TRAPPC9: variants seen among roughly 807,000 people sequenced by gnomAD.
TRAPPC9 encodes the protein trafficking protein particle complex subunit 9.
TRAPPC9 carries 83 observed loss-of-function variants against 124.0 expected under a neutral mutation model. The observed-to-expected ratio is 0.67, with a 90% CI of 0.56 to 0.80. TRAPPC9 has a LOEUF of 0.80. TRAPPC9 is among the 30% of genes least tolerant of loss of function. TRAPPC9 has a pLI of 0.00. For synonymous variants in TRAPPC9, 638 were observed against 617.5 expected, an observed-to-expected ratio of 1.03 and a Z score of -0.49; for missense variants, 1,302 against 1,508.3, an observed-to-expected ratio of 0.86 and a Z score of 2.27.
In TRAPPC9 at chr8:139,905,214, G is replaced by C. The variant is rs187319063; in HGVS notation, c.2964+4933C>G. On this transcript the variant is annotated intron_variant, in intron 20 of 22. Transcript: ENST00000438773. The stretch of plus-strand genomic sequence containing the variant: ...CTGCACAGACATTACAAACAAGCAT[G>C]CTCTTATCAAGCAGGAGAGGTCTGG... Among the ~76,000 whole-genome samples the C allele has an allele frequency of 1.4e-3, 216 of 152,070 alleles. 1 individual carries two copies. Among genetic ancestry groups the C allele is most frequent in the African/African-American group, 4.9e-3 (205 of 41,474 alleles).
At chr8:139,941,870 C>G (rs1270492706) in intron 19 of TRAPPC9, among the ~76,000 whole-genome samples, 1 of 152,188 alleles carries the variant, frequency 6.6e-6, no homozygotes, top group Non-Finnish European at 1.5e-5. Flanking sequence ...CAAACTTCTT[C>G]CTAAGGCAAA....
At chr8:140,233,257 G>A (rs545433433) in intron 16 of TRAPPC9, among the ~76,000 whole-genome samples, 34 of 151,984 alleles carry the variant, frequency 2.2e-4, no homozygotes, top group Admixed American at 8.5e-4. Context: ...CAGGCTGGAG[G>A]GCAGTGGTGC....
rs71320347 is a variant in TRAPPC9 at position 140,231,481 on chromosome 8, C to CTTTTTTTTTTTT, written c.2432-9910_2432-9899dup. 1.2e-4 allele frequency among the ~76,000 whole-genome samples: 7 copies of CTTTTTTTTTTTT among 56,990 alleles called. 1 individual carries two copies. The highest frequency in any genetic ancestry group is 2.9e-4 in the Admixed American group (1 of 3,396). 37.4% of individuals were successfully genotyped at this position (56,990 alleles called of 152,430 possible). A position where few individuals can be genotyped will look rare whatever the true frequency, so the allele number is the denominator to read the frequency against. ...AACTGCTAGTAAATCACTGCCTTTT[C>CTTTTTTTTTTTT]TTTTTTTTTTTTTTTTTTTTTTTTT... On this transcript the variant is annotated intron_variant, in intron 16 of 22. Transcript: ENST00000438773.
At position 140,046,593 on chromosome 8, in the gene TRAPPC9, T is replaced by C. The variant is rs11985753; in HGVS notation, c.2557-22514A>G. 9.8e-3 allele frequency among the ~76,000 whole-genome samples: 1,492 copies of C among 152,346 alleles called. 24 individuals carry two copies. Among genetic ancestry groups the C allele is most frequent in the African/African-American group, 0.034 (1,408 of 41,578 alleles). ...CCAGAAAATGGTTCCCAGAGCATTC[T>C]TGGATGCCTATCTTACAGGCTTTGT... On this transcript the variant is annotated intron_variant, in intron 17 of 22. Transcript: ENST00000438773.
intron 7 of TRAPPC9, among the ~76,000 whole-genome samples, chr8:140,376,081 G>T (rs969507221): frequency 9.2e-5 from 14 of 152,194 alleles, no homozygotes; most frequent in Non-Finnish European, 2.9e-5. Context: ...CGGAGTAGGG[G>T]TATGAGGCAT....
In TRAPPC9 at chr8:140,450,777, T is replaced by C; in HGVS notation, c.584+13A>G. On this transcript the variant is annotated intron_variant, in intron 2 of 22. Coordinates refer to ENST00000438773, the MANE Select transcript of TRAPPC9 (RefSeq NM_001160372.4). ...AGGGAAGCCAAGGGGCCTGGGTCTC[T>C]AGGTAAGCTTACCTGCTGTCTGTGT... 8 of 1,593,594 alleles carry C rather than the reference T, an allele frequency of 5.0e-6. No homozygotes were observed. Among genetic ancestry groups the C allele is most frequent in the South Asian group, 4.5e-5 (4 of 88,524 alleles).
At chr8:139,785,537 AACACACACACACACACACACAC>A (rs57202244) in intron 21 of TRAPPC9, among the ~76,000 whole-genome samples, 14 of 138,302 alleles carry the variant, frequency 1.0e-4, no homozygotes, top group African/African-American at 3.4e-4. Context: ...ATCTCTACTA[AACACACACACACACACACACAC>A]ACACACACAC....
chr8:139,988,468 C>T (rs1837401480), intron 19 of TRAPPC9, among the ~76,000 whole-genome samples: 1 of 152,168 alleles, frequency 6.6e-6, no homozygotes, highest in South Asian at 2.1e-4. Context: ...GCTGCTGGGT[C>T]CTCAAATGTG....
At chr8:140,122,002 T>C (rs2060995683) in intron 17 of TRAPPC9, among the ~76,000 whole-genome samples, 1 of 150,668 alleles carries the variant, frequency 6.6e-6, no homozygotes, top group East Asian at 1.9e-4. Flanking sequence ...GTTGCTGGAG[T>C]CCATCTCTTT....
At chr8:140,188,538 C>T (rs2062401851) in intron 17 of TRAPPC9, among the ~76,000 whole-genome samples, 2 of 152,186 alleles carry the variant, frequency 1.3e-5, no homozygotes, top group South Asian at 2.1e-4. Flanking sequence ...TCTCTGCTCC[C>T]TGCAAAACTC....
At chr8:140,346,765 C>T (rs979068939) in intron 9 of TRAPPC9, among the ~76,000 whole-genome samples, 28 of 152,200 alleles carry the variant, frequency 1.8e-4, no homozygotes, top group African/African-American at 6.8e-4. Flanking sequence ...GTTAAAATTT[C>T]AATCAAATAT....
At chr8:140,103,829 C>A (rs1162807025) in intron 17 of TRAPPC9, among the ~76,000 whole-genome samples, 3 of 152,148 alleles carry the variant, frequency 2.0e-5, no homozygotes, top group African/African-American at 7.2e-5. Flanking sequence ...CCAAGAGTTA[C>A]CCAGCTAAGA....
At chr8:140,345,574 T>C (rs923887268) in intron 9 of TRAPPC9, among the ~76,000 whole-genome samples, 1 of 152,196 alleles carries the variant, frequency 6.6e-6, no homozygotes, top group Admixed American at 6.5e-5. Flanking sequence ...GTGGGACAGA[T>C]ATGTATTGGC....
intron 7 of TRAPPC9, among the ~76,000 whole-genome samples, chr8:140,372,374 A>G (rs2068307496): frequency 6.6e-6 from 1 of 151,914 alleles, no homozygotes; most frequent in Non-Finnish European, 1.5e-5. Context: ...CCCTCCCTCC[A>G]TCCCCTCTCC....
At chr8:140,270,982 T>C (rs1294498430) in intron 15 of TRAPPC9, among the ~76,000 whole-genome samples, 1 of 152,168 alleles carries the variant, frequency 6.6e-6, no homozygotes, top group Non-Finnish European at 1.5e-5. Flanking sequence ...GATTTTGTAA[T>C]GAATAATGGG....
At chr8:140,411,076 G>A (rs1564006139) in intron 5 of TRAPPC9, among the ~76,000 whole-genome samples, 1 of 152,044 alleles carries the variant, frequency 6.6e-6, no homozygotes, top group Non-Finnish European at 1.5e-5. Flanking sequence ...TTGGTATCAT[G>A]ACCAAGGATA....
chr8:140,124,990 C>T (rs1240844157), intron 17 of TRAPPC9, among the ~76,000 whole-genome samples: 1 of 152,252 alleles, frequency 6.6e-6, no homozygotes, highest in Admixed American at 6.5e-5. Context: ...ATAAAAATTG[C>T]AGGGTGTCAC....
intron 7 of TRAPPC9, among the ~76,000 whole-genome samples, chr8:140,395,881 C>T (rs543058361): frequency 2.8e-4 from 43 of 152,180 alleles, no homozygotes; most frequent in Admixed American, 1.4e-3. Flanking sequence ...CCTCGGAGCC[C>T]GGCCTGACCA....
At chr8:139,858,132 T>C (rs1827913294) in intron 21 of TRAPPC9, among the ~76,000 whole-genome samples, 1 of 152,194 alleles carries the variant, frequency 6.6e-6, no homozygotes, top group Non-Finnish European at 1.5e-5. Flanking sequence ...TCTAAAAACA[T>C]TATGAAAACA....
Sources: allele counts gnomAD v4.1 joint callset (sites outside exome capture counted in the v4.1 genomes callset), GRCh38; gene constraint gnomAD v4.1.1; transcripts MANE v1.5; gene names NCBI Gene and HGNC (gene_info 2026-07-23, HGNC 2026-07-21).